Variants in HS6ST3 observed in about 807,000 individuals in gnomAD.
The protein encoded by HS6ST3 is heparan sulfate 6-O-sulfotransferase 3.
A neutral mutation model predicts 36.7 loss-of-function variants in HS6ST3; 12 were observed. The observed-to-expected ratio is 0.33, with a 90% CI of 0.21 to 0.53. HS6ST3 has a LOEUF of 0.53. Among genes scored for constraint, HS6ST3 ranks in the 20% least tolerant of loss-of-function variants. HS6ST3 has a pLI of 0.95. For synonymous variants in HS6ST3, 240 were observed against 257.5 expected (o/e 0.93, Z 0.65); for missense variants, 584 against 640.9 (o/e 0.91, Z 0.96).
chr13:96,167,497 A>G (rs559613467), intron 1 of HS6ST3, among the ~76,000 whole-genome samples: 144 of 152,256 alleles, frequency 9.5e-4, no homozygotes, highest in Middle Eastern at 3.4e-3. Context: ...AGAATCTCCC[A>G]TGCAACTCAT....
intron 1 of HS6ST3, among the ~76,000 whole-genome samples, chr13:96,345,211 T>G (rs1380046150): frequency 6.6e-6 from 1 of 152,214 alleles, no homozygotes; most frequent in Admixed American, 6.5e-5. Flanking sequence ...TCATAGTGCC[T>G]GTTTTTCATA....
chr13:96,780,280 C>T (rs925007168), intron 1 of HS6ST3, among the ~76,000 whole-genome samples: 9 of 152,114 alleles, frequency 5.9e-5, no homozygotes, highest in Admixed American at 3.3e-4. Flanking sequence ...CAAGTGTTTG[C>T]GTCAGCTTAG....
chr13:96,526,817 G>A (rs1335556497), intron 1 of HS6ST3, among the ~76,000 whole-genome samples: 2 of 152,150 alleles, frequency 1.3e-5, no homozygotes, highest in African/African-American at 4.8e-5. Context: ...CAGGACAATA[G>A]CCACTAGTCA....
chr13:96,212,137 G>A (rs1022710320), intron 1 of HS6ST3, among the ~76,000 whole-genome samples: 5 of 152,292 alleles, frequency 3.3e-5, no homozygotes, highest in East Asian at 3.9e-4. Flanking sequence ...TTAAAAGAAA[G>A]CTTTTTTGTA....
chr13:96,098,744 C>T (rs1217433849), intron 1 of HS6ST3, among the ~76,000 whole-genome samples: 1 of 152,078 alleles, frequency 6.6e-6, no homozygotes, highest in East Asian at 1.9e-4. Context: ...GTCACGTGGC[C>T]CTGGGTTAAG....
chr13:96,339,032 T>C (rs958250060), intron 1 of HS6ST3, among the ~76,000 whole-genome samples: 1 of 152,094 alleles, frequency 6.6e-6, no homozygotes, highest in Non-Finnish European at 1.5e-5. Flanking sequence ...CGTTGGGATA[T>C]AGATGTTGTG....
At chr13:96,223,314 G>C (rs2054464597) in intron 1 of HS6ST3, among the ~76,000 whole-genome samples, 1 of 152,216 alleles carries the variant, frequency 6.6e-6, no homozygotes, top group South Asian at 2.1e-4. Flanking sequence ...ATGCCCTGAT[G>C]ATGAGGTGGC....
rs557587963 is a variant in HS6ST3, at chr13:96,562,796, A to G, written c.708-269694A>G. On this transcript the variant is annotated intron_variant, in intron 1 of 1. Coordinates refer to ENST00000376705, the MANE Select transcript of HS6ST3 (RefSeq NM_153456.4). ...TGCCTGGGATTGGTGTCTGTCACCC[A>G]GAAGTCAGGATCTAGGAGCCCTCCA... Among the ~76,000 whole-genome samples the G allele has an allele frequency of 5.4e-3, 822 of 152,218 alleles. 8 individuals are homozygous for G. Among genetic ancestry groups the G allele is most frequent in the Non-Finnish European group, 8.4e-3 (571 of 68,010 alleles).
chr13:96,831,779 AC>A (rs1191368786), intron 1 of HS6ST3, among the ~76,000 whole-genome samples: 3 of 151,648 alleles, frequency 2.0e-5, no homozygotes, highest in African/African-American at 7.3e-5. Flanking sequence ...ACATGATGAA[AC>A]CCCATCTCTA....
chr13:96,141,393 G>A (rs1211059469), intron 1 of HS6ST3, among the ~76,000 whole-genome samples: 1 of 151,446 alleles, frequency 6.6e-6, no homozygotes, highest in Non-Finnish European at 1.5e-5. Flanking sequence ...TTACCCTGTT[G>A]CCCAGGCTGG....
At chr13:96,527,570 A>C (rs2138932192) in intron 1 of HS6ST3, among the ~76,000 whole-genome samples, 1 of 152,316 alleles carries the variant, frequency 6.6e-6, no homozygotes, top group African/African-American at 2.4e-5. Context: ...CTGCTGGGAA[A>C]GACAGAGCCT....
chr13:96,669,717 C>G (rs1417345661), intron 1 of HS6ST3, among the ~76,000 whole-genome samples: 1 of 152,050 alleles, frequency 6.6e-6, no homozygotes, highest in Non-Finnish European at 1.5e-5. Context: ...TGCTGTAGAA[C>G]AGACAGTGTT....
chr13:96,182,880 A>G (rs1368395556), intron 1 of HS6ST3, among the ~76,000 whole-genome samples: 2 of 152,214 alleles, frequency 1.3e-5, no homozygotes, highest in Non-Finnish European at 2.9e-5. Context: ...ACTCACATCT[A>G]AACTGTTAGC....
At chr13:96,579,451 A>G (rs1021124512) in intron 1 of HS6ST3, among the ~76,000 whole-genome samples, 6 of 152,160 alleles carry the variant, frequency 3.9e-5, no homozygotes, top group African/African-American at 1.4e-4. Flanking sequence ...TGTAGAGAAT[A>G]AATCATAATG....
chr13:96,788,316 C>T (rs1208212274), intron 1 of HS6ST3, among the ~76,000 whole-genome samples: 2 of 151,802 alleles, frequency 1.3e-5, no homozygotes, highest in Non-Finnish European at 2.9e-5. Context: ...ATTCATAGAT[C>T]AACTTGGGGA....
intron 1 of HS6ST3, among the ~76,000 whole-genome samples, chr13:96,479,476 C>T (rs544273477): frequency 4.6e-5 from 7 of 152,122 alleles, no homozygotes; most frequent in South Asian, 2.1e-4. Flanking sequence ...GGCTTAGGTT[C>T]GAACTTTAGA....
At chr13:96,101,914 GC>G (rs1242882490) in intron 1 of HS6ST3, among the ~76,000 whole-genome samples, 1 of 152,048 alleles carries the variant, frequency 6.6e-6, no homozygotes, top group Non-Finnish European at 1.5e-5. Context: ...GTCATCAATG[GC>G]CTGTAAACAA....
chr13:96,170,125 A>G (rs560148757), intron 1 of HS6ST3, among the ~76,000 whole-genome samples: 6 of 152,250 alleles, frequency 3.9e-5, no homozygotes, highest in African/African-American at 7.2e-5. Context: ...CACTGATAAT[A>G]TAAGTGTTTA....
At chr13:96,629,789 A>G (rs1267470710) in intron 1 of HS6ST3, among the ~76,000 whole-genome samples, 1 of 151,880 alleles carries the variant, frequency 6.6e-6, no homozygotes, top group Non-Finnish European at 1.5e-5. Context: ...AAATTGTTGA[A>G]AAACATTTTT....
Sources: gnomAD v4.1 joint callset for allele counts (sites outside exome capture counted in the v4.1 genomes callset) on GRCh38, gnomAD v4.1.1 for gene constraint, MANE v1.5 for transcripts, NCBI Gene and HGNC (gene_info 2026-07-23, HGNC 2026-07-21) for gene names.